Variants in MRTFB observed in about 807,000 individuals in gnomAD.
The protein encoded by MRTFB is myocardin-related transcription factor B.
A neutral mutation model predicts 104.2 loss-of-function variants in MRTFB; 29 were observed. That is an observed-to-expected ratio of 0.28 (90% CI 0.21 to 0.38). MRTFB has a LOEUF of 0.38. Ranked by LOEUF, MRTFB falls within the 10% of genes least tolerant of loss-of-function variation. MRTFB has a pLI of 1.00. For synonymous variants in MRTFB, 535 were observed against 519.5 expected, an observed-to-expected ratio of 1.03 and a Z score of -0.41; for missense variants, 1,270 against 1,341.6, an observed-to-expected ratio of 0.95 and a Z score of 0.83.
rs1555464751 is a variant in MRTFB at position 14,266,485 on chromosome 16, G to C, written c.*5041G>C. The C allele has an allele frequency of 6.6e-6, 1 of 152,096 alleles. No individual in the cohort carries two copies. Among genetic ancestry groups the C allele is most frequent in the Non-Finnish European group, 1.5e-5 (1 of 68,026 alleles). 9.4% of individuals were successfully genotyped at this position (152,096 alleles called of 1,614,324 possible). ...CTAGTTTAATCAACAAAAAATTATG[G>C]CAATCGGGGGTCCATTCATCTATTG... On this transcript the variant is annotated 3_prime_UTR_variant, in exon 17 of 17. Transcript: ENST00000571589.
chr16:14,234,104 C>A, intron 8 of MRTFB, 42 bp from the exon 9 acceptor site: 1 of 1,591,704 alleles, frequency 6.3e-7, no homozygotes, highest in Non-Finnish European at 8.6e-7. Context: ...TTTTTATGAT[C>A]ATTAATTTCA....
intron 3 of MRTFB, chr16:14,149,325 A>T (rs1397488210): frequency 6.6e-6 from 1 of 152,256 alleles, no homozygotes; most frequent in Non-Finnish European, 1.5e-5. Context: ...TAATGAAGAC[A>T]TAACAAGAAA....
At chr16:14,007,540 A>T in the MRTFB span, among the ~76,000 whole-genome samples, 1 of 152,228 alleles carries the variant, frequency 6.6e-6, no homozygotes. Context: ...ACATTCATGT[A>T]CAAGTTTTTG....
rs553522933 is a variant in MRTFB, at chr16:14,145,759, C to T, written c.154+4999C>T. On this transcript the variant is annotated intron_variant, in intron 3 of 16. Coordinates refer to ENST00000571589, the MANE Select transcript of MRTFB (RefSeq NM_001308142.2). Reference sequence around the variant, plus strand: ...GCTTCATTTTAACATTTTAAATACACGTTAGATCCATCTTTCTCACGATTT... The same window carrying T: ...GCTTCATTTTAACATTTTAAATACATGTTAGATCCATCTTTCTCACGATTT... Among the ~76,000 whole-genome samples, 4 of 152,294 alleles carry T rather than the reference C, an allele frequency of 2.6e-5. No homozygotes were observed. In the East Asian group the frequency reaches 5.8e-4, roughly 22 times the overall value.
rs577136673 is a variant in MRTFB at position 14,256,017 on chromosome 16, G to A, written c.2704-2084G>A. On this transcript the variant is annotated intron_variant, in intron 15 of 16. Coordinates refer to ENST00000571589, the MANE Select transcript of MRTFB (RefSeq NM_001308142.2). ...AGTCCCAGCTACTTGGGAAGCTAAA[G>A]TAGGAGTATCACTTGATCTCAGGGG... Among the ~76,000 whole-genome samples, 19 of 151,610 alleles carry A rather than the reference G, an allele frequency of 1.3e-4. No homozygotes were observed. In the South Asian group the frequency reaches 3.7e-3, roughly 30 times the overall value.
intron 8 of MRTFB, among the ~76,000 whole-genome samples, chr16:14,232,014 GA>G (rs1322608888): frequency 3.3e-5 from 5 of 152,148 alleles, no homozygotes; most frequent in Non-Finnish European, 7.3e-5. Flanking sequence ...GAGCTAATAA[GA>G]TAGGCACAGT....
chr16:14,197,356 A>T (rs967804345), intron 3 of MRTFB, among the ~76,000 whole-genome samples: 1 of 151,944 alleles, frequency 6.6e-6, no homozygotes, highest in South Asian at 2.1e-4. Context: ...GGCCTTCTTT[A>T]CTTTTTTACT....
chr16:14,260,332 G>T (rs542706105), intron 16 of MRTFB, among the ~76,000 whole-genome samples: 16 of 150,432 alleles, frequency 1.1e-4, no homozygotes, highest in Admixed American at 7.9e-4. Context: ...GCTAAATTGG[G>T]TACCCAGTCC....
At chr16:14,034,135 G>C in the MRTFB span, among the ~76,000 whole-genome samples, 1 of 152,208 alleles carries the variant, frequency 6.6e-6, no homozygotes, top group Non-Finnish European at 1.5e-5. Flanking sequence ...TGTGTAGTTT[G>C]TTAAGGCTGC....
At chr16:14,157,130 C>A (rs2038858093) in intron 3 of MRTFB, among the ~76,000 whole-genome samples, 1 of 152,088 alleles carries the variant, frequency 6.6e-6, no homozygotes, top group Non-Finnish European at 1.5e-5. Flanking sequence ...AGGTAGAAAT[C>A]TTTTTTAAAC....
chr16:14,203,924 G>A (rs546499577), intron 3 of MRTFB, among the ~76,000 whole-genome samples: 7 of 151,870 alleles, frequency 4.6e-5, no homozygotes, highest in Non-Finnish European at 8.8e-5. Context: ...AGTATCACAT[G>A]AAAGAAGTTA....
chr16:14,115,334 C>T (rs2036489740), intron 2 of MRTFB, among the ~76,000 whole-genome samples: 2 of 152,126 alleles, frequency 1.3e-5, no homozygotes, highest in South Asian at 4.1e-4. Context: ...TTCAAGTCTG[C>T]TATGATCACA....
At chr16:14,049,012 A>C in the MRTFB span, among the ~76,000 whole-genome samples, 3 of 152,116 alleles carry the variant, frequency 2.0e-5, no homozygotes, top group Admixed American at 2.0e-4. Flanking sequence ...TAGCTGGTTG[A>C]GTTTGCCTCC....
chr16:14,253,753 C>T (rs577386749), intron 15 of MRTFB, among the ~76,000 whole-genome samples: 72 of 152,300 alleles, frequency 4.7e-4, no homozygotes, highest in Non-Finnish European at 9.3e-4. Flanking sequence ...GCTTTGTATT[C>T]CCTGAGTACC....
the MRTFB span, among the ~76,000 whole-genome samples, chr16:14,029,492 A>G: frequency 7.4e-6 from 1 of 134,742 alleles, no homozygotes; most frequent in Non-Finnish European, 1.6e-5. Flanking sequence ...GTATATACAC[A>G]TTATATATAT....
intron 3 of MRTFB, chr16:14,151,567 A>G (rs554639128): frequency 6.6e-5 from 10 of 152,328 alleles, no homozygotes; most frequent in African/African-American, 1.7e-4. Context: ...TCGTCCCAGT[A>G]ACTTTTGCTC....
the MRTFB span, among the ~76,000 whole-genome samples, chr16:14,057,394 T>G: frequency 6.6e-6 from 1 of 152,164 alleles, no homozygotes; most frequent in Admixed American, 6.5e-5. Context: ...CTTTTAACCA[T>G]CTCATTGATT....
the MRTFB span, among the ~76,000 whole-genome samples, chr16:14,037,224 C>T: frequency 6.6e-6 from 1 of 152,172 alleles, no homozygotes; most frequent in Non-Finnish European, 1.5e-5. Context: ...CAATGACAGT[C>T]ACTTTGTATG....
chr16:14,195,615 T>C, intron 3 of MRTFB: 1 of 955,170 alleles, frequency 1.0e-6, no homozygotes, highest in East Asian at 1.2e-4. Context: ...AATATTCCAC[T>C]GTTTCCTGTT....
Sources: gnomAD v4.1 joint callset for allele counts (sites outside exome capture counted in the v4.1 genomes callset) on GRCh38, gnomAD v4.1.1 for gene constraint, MANE v1.5 for transcripts, NCBI Gene and HGNC (gene_info 2026-07-23, HGNC 2026-07-21) for gene names.